EGFLAM: variants seen among roughly 807,000 people sequenced by gnomAD.
EGFLAM encodes pikachurin.
Under a neutral mutation model 113.1 loss-of-function variants are expected in EGFLAM, and 79 were observed. That is an observed-to-expected ratio of 0.70 (90% CI 0.58 to 0.84). The LOEUF (loss-of-function observed/expected upper bound fraction) is 0.84. EGFLAM is among the 40% of genes least tolerant of loss of function. EGFLAM has a pLI of 0.00. For synonymous variants in EGFLAM, 504 were observed against 487.6 expected (o/e 1.03, Z -0.44); for missense variants, 1,265 against 1,291.6 (o/e 0.98, Z 0.32).
rs2112034967 is a variant in EGFLAM, at chr5:38,370,530, C to A, written c.712+68C>A. Reference sequence around the variant, plus strand: ...TCTGGGCTTGCCTCATGAAGACTCACTTGACCTGGATGCCGTGCAGAAGGA... The same window carrying A: ...TCTGGGCTTGCCTCATGAAGACTCAATTGACCTGGATGCCGTGCAGAAGGA... On this transcript the variant is annotated intron_variant, in intron 6 of 21. Transcript: ENST00000322350. The A allele has an allele frequency of 3.2e-6, 5 of 1,539,026 alleles. No homozygotes were observed. In the East Asian group the frequency reaches 1.2e-4, roughly 36 times the overall value.
At chr5:38,312,880 C>G (rs4320288) in intron 1 of EGFLAM, among the ~76,000 whole-genome samples, 90,436 of 151,864 alleles carry the variant, frequency 0.6, 27,894 homozygotes, top group East Asian at 0.77. Flanking sequence ...CTGAGGTCAG[C>G]AGTTCAAGAC....
chr5:38,406,707 C>A, intron 7 of EGFLAM, 121 bp from the exon 8 acceptor site: 2 of 893,798 alleles, frequency 2.2e-6, no homozygotes, highest in Non-Finnish European at 1.7e-6. Flanking sequence ...TCTTCCCCAT[C>A]TCCATCCTAG....
At chr5:38,440,516 A>G (rs1488569868) in intron 17 of EGFLAM, among the ~76,000 whole-genome samples, 1 of 152,206 alleles carries the variant, frequency 6.6e-6, no homozygotes, top group Non-Finnish European at 1.5e-5. Flanking sequence ...AAAGAAAAGG[A>G]AAAGAGATGG....
At chr5:38,421,365 C>T (rs59392404) in intron 12 of EGFLAM, among the ~76,000 whole-genome samples, 3,987 of 152,272 alleles carry the variant, frequency 0.026, 190 homozygotes, top group African/African-American at 0.089. Flanking sequence ...CCTATATTTC[C>T]ACCACTCATT....
chr5:38,370,590 C>G, intron 6 of EGFLAM, 128 bp downstream of exon 6: 1 of 1,231,616 alleles, frequency 8.1e-7, no homozygotes, highest in Non-Finnish European at 1.1e-6. Context: ...GGCTTTCCTC[C>G]TGTGGTTTTC....
intron 1 of EGFLAM, among the ~76,000 whole-genome samples, chr5:38,331,366 C>A (rs1739036622): frequency 6.6e-6 from 1 of 152,178 alleles, no homozygotes; most frequent in Non-Finnish European, 1.5e-5. Flanking sequence ...AGAATAGTTT[C>A]ACTGCCCTAA....
intron 1 of EGFLAM, among the ~76,000 whole-genome samples, chr5:38,299,846 AC>A (rs1387572079): frequency 6.6e-6 from 1 of 152,164 alleles, no homozygotes; most frequent in African/African-American, 2.4e-5. Context: ...GTTAGGATTC[AC>A]TTGACATGTA....
chr5:38,438,913 C>T (rs1472124835), intron 17 of EGFLAM, among the ~76,000 whole-genome samples: 1 of 152,208 alleles, frequency 6.6e-6, no homozygotes, highest in Non-Finnish European at 1.5e-5. Flanking sequence ...ACAAATTATA[C>T]ATTAGTTGCT....
At chr5:38,338,151 A>G (rs534738931) in intron 2 of EGFLAM, among the ~76,000 whole-genome samples, 6 of 152,110 alleles carry the variant, frequency 3.9e-5, no homozygotes, top group Non-Finnish European at 7.4e-5. Flanking sequence ...CATTTCACAT[A>G]ATTGTTTGGA....
chr5:38,386,076 G>A (rs79871490), intron 6 of EGFLAM, among the ~76,000 whole-genome samples: 21,416 of 152,180 alleles, frequency 0.14, 1,729 homozygotes, highest in Non-Finnish European at 0.17. Context: ...ATAATCTTAC[G>A]GGCCTACCAT....
intron 1 of EGFLAM, among the ~76,000 whole-genome samples, chr5:38,291,994 CA>C (rs1407374632): frequency 6.6e-6 from 1 of 152,170 alleles, no homozygotes; most frequent in Non-Finnish European, 1.5e-5. Flanking sequence ...CTGGGTTTTG[CA>C]ACCTGTGAAG....
At position 38,438,365 on chromosome 5, in the gene EGFLAM, C is replaced by T. The variant is rs774762188; in HGVS notation, c.2374C>T (p.Pro792Ser). 6.2e-7 allele frequency: 1 copy of T among 1,614,044 alleles called. No individual in the cohort carries two copies. Among genetic ancestry groups the T allele is most frequent in the Admixed American group, 1.7e-5 (1 of 60,016 alleles). Residue 792 changes from proline to serine, a missense_variant, in exon 17 of 22, where the codon CCT becomes TCT. Transcript: ENST00000322350. The stretch of plus-strand genomic sequence containing the variant: ...TGCGGCCCACCCCTGTGTGAGAGCC[C>T]CTTGTGCCCATGGGGGCAGCTGCCG... ...ENAAHPCVRA[P>S]CAHGGSCRPR...
chr5:38,445,934 G>A (rs1235283827), intron 17 of EGFLAM, among the ~76,000 whole-genome samples: 4 of 152,140 alleles, frequency 2.6e-5, no homozygotes, highest in African/African-American at 9.7e-5. Flanking sequence ...CAGAGCCGAT[G>A]TGTGGCAGGC....
intron 6 of EGFLAM, among the ~76,000 whole-genome samples, chr5:38,388,919 A>G (rs1196330142): frequency 7.6e-6 from 1 of 132,292 alleles, no homozygotes; most frequent in Non-Finnish European, 1.6e-5. Flanking sequence ...TGTCTCAAGA[A>G]AAAAAAAAAA....
At chr5:38,347,545 A>G (rs1358310747) in intron 3 of EGFLAM, among the ~76,000 whole-genome samples, 1 of 152,118 alleles carries the variant, frequency 6.6e-6, no homozygotes, top group African/African-American at 2.4e-5. Context: ...GTCATGAAGA[A>G]TGAGTAGGGG....
chr5:38,393,881 G>T (rs935278259), intron 6 of EGFLAM, among the ~76,000 whole-genome samples: 8 of 152,202 alleles, frequency 5.3e-5, no homozygotes, highest in Non-Finnish European at 1.0e-4. Flanking sequence ...CCGGGTTCTT[G>T]TCCGGTGTCC....
At chr5:38,299,170 A>G (rs1260079776) in intron 1 of EGFLAM, among the ~76,000 whole-genome samples, 2 of 152,216 alleles carry the variant, frequency 1.3e-5, no homozygotes, top group Non-Finnish European at 2.9e-5. Flanking sequence ...GGTCACTACC[A>G]TGTGCTGCCC....
chr5:38,317,947 C>T (rs562174561), intron 1 of EGFLAM, among the ~76,000 whole-genome samples: 13 of 152,190 alleles, frequency 8.5e-5, no homozygotes, highest in Non-Finnish European at 1.5e-4. Context: ...AGGAGGAAAC[C>T]GGAGAGAAAC....
intron 11 of EGFLAM, among the ~76,000 whole-genome samples, chr5:38,415,617 T>G (rs1244191190): frequency 6.6e-6 from 1 of 152,170 alleles, no homozygotes; most frequent in Non-Finnish European, 1.5e-5. Context: ...AAGCCTGCAG[T>G]GAGCCATGTT....
Sources: allele counts gnomAD v4.1 joint callset (sites outside exome capture counted in the v4.1 genomes callset), GRCh38; gene constraint gnomAD v4.1.1; transcripts MANE v1.5; gene names NCBI Gene and HGNC (gene_info 2026-07-23, HGNC 2026-07-21).